The following CUX2 variants were observed in gnomAD, a reference collection of about 807,000 sequenced individuals.
CUX2 encodes cut like homeobox 2.
A neutral mutation model predicts 144.8 loss-of-function variants in CUX2; 40 were observed. That is an observed-to-expected ratio of 0.28 (90% CI 0.21 to 0.36). CUX2 has a LOEUF of 0.36. Among genes scored for constraint, CUX2 ranks in the 10% least tolerant of loss-of-function variants. CUX2 has a pLI of 1.00. For synonymous variants in CUX2, 827 were observed against 875.6 expected (o/e 0.94, Z 0.98); for missense variants, 1,615 against 1,994.0 (o/e 0.81, Z 3.62).
intron 1 of CUX2, among the ~76,000 whole-genome samples, chr12:111,134,620 C>G (rs59956078): frequency 0.17 from 23,772 of 141,706 alleles, 4,061 homozygotes; most frequent in African/African-American, 0.46. Context: ...CTCTCTCTCT[C>G]TGTGTGTGTG....
At chr12:111,075,170 T>C (rs1184667785) in intron 1 of CUX2, among the ~76,000 whole-genome samples, 1 of 150,032 alleles carries the variant, frequency 6.7e-6, no homozygotes, top group Non-Finnish European at 1.5e-5. Flanking sequence ...GCAGATCTGA[T>C]TTCTGTTCCA....
chr12:111,240,856 A>C (rs571661708), intron 3 of CUX2, among the ~76,000 whole-genome samples: 5 of 152,326 alleles, frequency 3.3e-5, no homozygotes, highest in African/African-American at 1.2e-4. Flanking sequence ...CAGAAATGTT[A>C]GGTATCTATT....
At chr12:111,291,612 G>T in intron 5 of CUX2, 60 bp downstream of exon 5, 2 of 1,472,878 alleles carry the variant, frequency 1.4e-6, no homozygotes, top group Non-Finnish European at 1.8e-6. Flanking sequence ...GATCTTCAGA[G>T]CCAAACTCAG....
intron 18 of CUX2, among the ~76,000 whole-genome samples, chr12:111,331,584 T>C (rs1888122579): frequency 6.6e-6 from 1 of 150,988 alleles, no homozygotes; most frequent in South Asian, 2.1e-4. Flanking sequence ...GTAGAGGAGG[T>C]GGAGGTGGAC....
At chr12:111,303,225 A>G in intron 9 of CUX2, among the ~76,000 whole-genome samples, 1 of 106,392 alleles carries the variant, frequency 9.4e-6, no homozygotes, top group African/African-American at 3.4e-5. Flanking sequence ...TGTCTCGAAA[A>G]AAAAAAAAAA....
At chr12:111,157,812 T>C (rs1315173577) in intron 1 of CUX2, among the ~76,000 whole-genome samples, 2 of 152,186 alleles carry the variant, frequency 1.3e-5, no homozygotes, top group South Asian at 2.1e-4. Context: ...TTAGGGATAG[T>C]AGTGTATAGC....
At chr12:111,258,978 C>T (rs1212647846) in intron 3 of CUX2, among the ~76,000 whole-genome samples, 4 of 152,080 alleles carry the variant, frequency 2.6e-5, no homozygotes, top group Non-Finnish European at 5.9e-5. Flanking sequence ...AGTGATCCCC[C>T]TTTCTCAGCC....
At chr12:111,207,811 T>G (rs1369686391) in intron 1 of CUX2, among the ~76,000 whole-genome samples, 1 of 151,758 alleles carries the variant, frequency 6.6e-6, no homozygotes, top group Non-Finnish European at 1.5e-5. Context: ...TCAGAAAGAG[T>G]TAACAGGGGC....
chr12:111,345,537 A>T (rs1888761350), intron 21 of CUX2, among the ~76,000 whole-genome samples: 1 of 151,480 alleles, frequency 6.6e-6, no homozygotes, highest in Admixed American at 6.6e-5. Context: ...AGGTCAGGAG[A>T]TCGAGACCAT....
chr12:111,070,354 C>T (rs1475566531), intron 1 of CUX2, among the ~76,000 whole-genome samples: 2 of 150,510 alleles, frequency 1.3e-5, no homozygotes, highest in Non-Finnish European at 3.0e-5. Flanking sequence ...CCTCCCTTCC[C>T]TCTCTCCCTC....
At chr12:111,203,673 A>T (rs1880749263) in intron 1 of CUX2, among the ~76,000 whole-genome samples, 1 of 152,142 alleles carries the variant, frequency 6.6e-6, no homozygotes, top group South Asian at 2.1e-4. Flanking sequence ...TCAGACTCAC[A>T]TGGGAGCCAT....
intron 1 of CUX2, among the ~76,000 whole-genome samples, chr12:111,131,284 G>C (rs1875457768): frequency 6.6e-6 from 1 of 152,252 alleles, no homozygotes; most frequent in Admixed American, 6.5e-5. Flanking sequence ...ACTATCACGA[G>C]AATAGCATGG....
chr12:111,148,891 G>A (rs958228812), intron 1 of CUX2, among the ~76,000 whole-genome samples: 1 of 152,116 alleles, frequency 6.6e-6, no homozygotes, highest in African/African-American at 2.4e-5. Context: ...CAGCTACTCG[G>A]GAGGCTGAGG....
chr12:111,099,618 T>G, intron 1 of CUX2: 1 of 456,726 alleles, frequency 2.2e-6, no homozygotes, highest in South Asian at 1.5e-5. Flanking sequence ...GGATTGGACC[T>G]GCAGGGATCC....
chr12:111,339,051 G>T (rs1412438484), intron 20 of CUX2, among the ~76,000 whole-genome samples: 1 of 151,882 alleles, frequency 6.6e-6, no homozygotes, highest in Non-Finnish European at 1.5e-5. Context: ...TGGCCAATAT[G>T]GCAAAACCCT....
chr12:111,154,638 G>A (rs147913004), intron 1 of CUX2, among the ~76,000 whole-genome samples: 13 of 152,334 alleles, frequency 8.5e-5, no homozygotes, highest in African/African-American at 3.1e-4. Context: ...AGATGCAGTT[G>A]ATGTTTGATA....
Position 111,328,972 on chromosome 12 carries a change from T to TCTCTCTCTCTCC in CUX2, c.2927-5466_2927-5465insTCTCTCTCCCTC, listed in dbSNP as rs1198113973. ...CTCTCTCTCTCTCTCTCTCTCTCTC[T>TCTCTCTCTCTCC]CTCCCCCTCTCTCCCTCTCTCCCTC... On this transcript the variant is annotated intron_variant, in intron 18 of 21. Transcript: ENST00000261726. Among the ~76,000 whole-genome samples the TCTCTCTCTCTCC allele has an allele frequency of 3.7e-4, 30 of 80,050 alleles. No individual in the cohort carries two copies. The East Asian group carries it at 8.4e-3, about 23-fold the overall frequency. The allele number at this position is 80,050 out of a possible 152,430, so 52.5% of individuals were successfully genotyped here.
At chr12:111,099,791 A>G (rs919844010) in intron 1 of CUX2, 1 of 425,942 alleles carries the variant, frequency 2.3e-6, no homozygotes, top group East Asian at 7.1e-5. Flanking sequence ...AGTGCCCATC[A>G]TTCAGAGTGA....
chr12:111,163,236 G>T (rs951035920), intron 1 of CUX2, among the ~76,000 whole-genome samples: 1 of 152,096 alleles, frequency 6.6e-6, no homozygotes, highest in African/African-American at 2.4e-5. Context: ...TACTCACTTG[G>T]AGGCTGTTAG....
Sources: allele counts gnomAD v4.1 joint callset (sites outside exome capture counted in the v4.1 genomes callset), GRCh38; gene constraint gnomAD v4.1.1; transcripts MANE v1.5; gene names NCBI Gene and HGNC (gene_info 2026-07-23, HGNC 2026-07-21).